Variants in MBD5 observed in about 807,000 individuals in gnomAD.
MBD5 encodes the protein methyl-CpG binding domain protein 5, also known as methyl-CpG-binding domain protein 5.
In MBD5, 13 loss-of-function variants were observed where a neutral mutation model predicts 117.3. The observed-to-expected ratio is 0.11, with a 90% CI of 0.07 to 0.18. MBD5 has a LOEUF of 0.18. MBD5 is among the 10% of genes least tolerant of loss of function. MBD5 has a pLI of 1.00. For missense variants in MBD5, 1,879 were observed against 2,093.8 expected (o/e 0.90, Z 2.00); for synonymous variants, 727 against 766.4 (o/e 0.95, Z 0.85).
chr2:148,423,743 G>C (rs1004007154), intron 4 of MBD5, among the ~76,000 whole-genome samples: 2 of 151,656 alleles, frequency 1.3e-5, no homozygotes, highest in Non-Finnish European at 2.9e-5. Context: ...CCAATTAAAA[G>C]ACACAGACTG....
At chr2:148,426,872 G>A (rs578023499) in intron 4 of MBD5, among the ~76,000 whole-genome samples, 20 of 152,206 alleles carry the variant, frequency 1.3e-4, no homozygotes, top group African/African-American at 4.6e-4. Context: ...GCAACCTACA[G>A]AATGGGAGAA....
At chr2:148,085,839 A>G (rs1695768282) in intron 1 of MBD5, among the ~76,000 whole-genome samples, 1 of 152,358 alleles carries the variant, frequency 6.6e-6, no homozygotes, top group East Asian at 1.9e-4. Flanking sequence ...AAATGTTCAT[A>G]GTCCTTTATC....
At chr2:148,131,453 G>C (rs990628225) in intron 1 of MBD5, among the ~76,000 whole-genome samples, 2 of 152,134 alleles carry the variant, frequency 1.3e-5, no homozygotes, top group African/African-American at 4.8e-5. Flanking sequence ...TAGCACTTTG[G>C]GGGGCCGAGG....
chr2:148,238,920 A>T (rs985724671), intron 3 of MBD5, among the ~76,000 whole-genome samples: 1 of 152,058 alleles, frequency 6.6e-6, no homozygotes, highest in African/African-American at 2.4e-5. Context: ...TTTCCAAATA[A>T]GTTCACATTC....
chr2:148,416,015 C>T (rs1279289272), intron 4 of MBD5, among the ~76,000 whole-genome samples: 5 of 152,130 alleles, frequency 3.3e-5, no homozygotes, highest in African/African-American at 1.2e-4. Context: ...CTGGTGCCAT[C>T]GTTTGGAGGT....
At chr2:148,254,520 G>T (rs923389468) in intron 3 of MBD5, among the ~76,000 whole-genome samples, 1 of 152,110 alleles carries the variant, frequency 6.6e-6, no homozygotes, top group Non-Finnish European at 1.5e-5. Context: ...CATCACAATC[G>T]CAGAAGCTGA....
chr2:148,300,902 A>G (rs1701764942), intron 3 of MBD5, among the ~76,000 whole-genome samples: 1 of 152,232 alleles, frequency 6.6e-6, no homozygotes, highest in African/African-American at 2.4e-5. Flanking sequence ...TATAGTGGCA[A>G]CATCTATCCT....
At chr2:148,251,583 A>G (rs979100394) in intron 3 of MBD5, among the ~76,000 whole-genome samples, 2 of 152,222 alleles carry the variant, frequency 1.3e-5, no homozygotes, top group Non-Finnish European at 2.9e-5. Flanking sequence ...TTCATAGTAT[A>G]CATTTTACGT....
chr2:148,500,729 G>A (rs191336606), intron 11 of MBD5, among the ~76,000 whole-genome samples: 48 of 152,262 alleles, frequency 3.2e-4, no homozygotes, highest in Admixed American at 1.6e-3. Flanking sequence ...TCTAATAGAA[G>A]TTTATGTTAT....
chr2:148,255,311 A>T (rs1055971407), intron 3 of MBD5, among the ~76,000 whole-genome samples: 15 of 152,128 alleles, frequency 9.9e-5, no homozygotes, highest in Admixed American at 3.9e-4. Flanking sequence ...ATCTGTGCCA[A>T]AGTCAGAGGG....
rs115992640 is a variant in MBD5 at position 148,319,814 on chromosome 2, G to A, written c.-679-22400G>A. On this transcript the variant is annotated intron_variant, in intron 3 of 13. Coordinates refer to ENST00000642680, the MANE Select transcript of MBD5 (RefSeq NM_001378120.1). ...TGTGGAATAAGAATGGTGAATGTGGGCATCCTTATCTTGTTTCACTTCTTA... is the reference window on the plus strand; with the variant it reads ...TGTGGAATAAGAATGGTGAATGTGGACATCCTTATCTTGTTTCACTTCTTA... Among the ~76,000 whole-genome samples the A allele has an allele frequency of 1.6e-3, 245 of 152,276 alleles. 1 individual carries two copies. Among genetic ancestry groups the A allele is most frequent in the African/African-American group, 5.4e-3 (225 of 41,554 alleles).
chr2:148,262,876 A>T (rs1700765713), intron 3 of MBD5, among the ~76,000 whole-genome samples: 1 of 152,192 alleles, frequency 6.6e-6, no homozygotes, highest in African/African-American at 2.4e-5. Context: ...CTTAGGTGGG[A>T]CTCATCTGGA....
In MBD5 at chr2:148,471,814, G is replaced by A. The variant is rs544556038; in HGVS notation, c.2518+1353G>A. 4.6e-5 allele frequency: 7 copies of A among 152,124 alleles called. No individual in the cohort carries two copies. The South Asian group carries it at 1.5e-3, about 32-fold the overall frequency. The allele number at this position is 152,124 out of a possible 1,614,324, so 9.4% of individuals were successfully genotyped here. ...AACTTTATGTTTTATGTGTCTAACA[G>A]TATACTTATCCCATAGGGGGCTTCC... On this transcript the variant is annotated intron_variant, in intron 8 of 13. Coordinates refer to ENST00000642680, the MANE Select transcript of MBD5 (RefSeq NM_001378120.1).
chr2:148,098,978 C>T (rs149320795), intron 1 of MBD5, among the ~76,000 whole-genome samples: 2 of 152,098 alleles, frequency 1.3e-5, no homozygotes, highest in African/African-American at 4.8e-5. Flanking sequence ...TCGTTTGAGC[C>T]CGAGAGGTCG....
intron 2 of MBD5, among the ~76,000 whole-genome samples, chr2:148,207,150 G>A (rs1444311096): frequency 2.6e-5 from 4 of 152,178 alleles, no homozygotes; most frequent in Admixed American, 1.3e-4. Context: ...ACAGGACCAC[G>A]TAACTTGCTT....
At chr2:148,503,068 G>A (rs938718650) in intron 12 of MBD5, 2 of 165,226 alleles carry the variant, frequency 1.2e-5, no homozygotes, top group African/African-American at 2.4e-5. Context: ...CTGAGTAAAT[G>A]TAGTACGGAC....
chr2:148,224,327 C>A (rs1159149051), intron 2 of MBD5, among the ~76,000 whole-genome samples: 1 of 151,684 alleles, frequency 6.6e-6, no homozygotes, highest in Admixed American at 6.6e-5. Context: ...GGTGATGAAG[C>A]CTCTAGCTTT....
Position 148,304,207 on chromosome 2 carries a change from T to C in MBD5, c.-679-38007T>C, listed in dbSNP as rs115447443. The stretch of plus-strand genomic sequence containing the variant: ...TACCCAGGCACTGTTTTAAGTGTTT[T>C]ACATATATTAATTCATTTAATCCTC... On this transcript the variant is annotated intron_variant, in intron 3 of 13. Transcript: ENST00000642680. Among the ~76,000 whole-genome samples the C allele has an allele frequency of 9.7e-3, 1,485 of 152,326 alleles. 26 individuals carry two copies. The highest frequency in any genetic ancestry group is 0.031 in the Middle Eastern group (9 of 294).
At chr2:148,146,752 C>T (rs1464147716) in intron 1 of MBD5, among the ~76,000 whole-genome samples, 1 of 152,158 alleles carries the variant, frequency 6.6e-6, no homozygotes, top group Non-Finnish European at 1.5e-5. Context: ...TGGTGTCCCA[C>T]AGATATCTGA....
Sources: allele counts gnomAD v4.1 joint callset (sites outside exome capture counted in the v4.1 genomes callset), GRCh38; gene constraint gnomAD v4.1.1; transcripts MANE v1.5; gene names NCBI Gene and HGNC (gene_info 2026-07-23, HGNC 2026-07-21).